TECRL: variants seen among roughly 807,000 people sequenced by gnomAD.
TECRL encodes trans-2,3-enoyl-CoA reductase like, also known as trans-2,3-enoyl-CoA reductase-like.
Under a neutral mutation model 52.8 loss-of-function variants are expected in TECRL, and 63 were observed. That is an observed-to-expected ratio of 1.19 (90% CI 0.97 to 1.47). TECRL has a LOEUF of 1.47. Among genes scored for constraint, TECRL ranks in the 40% most tolerant of loss-of-function variants. TECRL has a pLI of 0.00. For missense variants in TECRL, 482 were observed against 429.6 expected (o/e 1.12, Z -1.08); for synonymous variants, 164 against 141.9 (o/e 1.16, Z -1.10).
chr4:64,307,495 A>T (rs1724408960), intron 6 of TECRL, among the ~76,000 whole-genome samples: 1 of 152,060 alleles, frequency 6.6e-6, no homozygotes, highest in African/African-American at 2.4e-5. Context: ...GAGAAAGGAG[A>T]TGCTTTTTCT....
At chr4:64,357,813 A>G (rs1422279128) in intron 2 of TECRL, among the ~76,000 whole-genome samples, 2 of 151,704 alleles carry the variant, frequency 1.3e-5, no homozygotes, top group East Asian at 3.9e-4. Context: ...TCGATGTTTG[A>G]AATTCATTTT....
chr4:64,313,196 G>A (rs1717186632), intron 5 of TECRL, among the ~76,000 whole-genome samples: 1 of 152,036 alleles, frequency 6.6e-6, no homozygotes, highest in Non-Finnish European at 1.5e-5. Context: ...AGAAAGTTAG[G>A]ATGAAATTAG....
chr4:64,348,087 G>A (rs75556004), intron 2 of TECRL, among the ~76,000 whole-genome samples: 49 of 152,130 alleles, frequency 3.2e-4, no homozygotes, highest in African/African-American at 1.0e-3. Context: ...CCAATTTACC[G>A]TAGTAGTCTG....
intron 1 of TECRL, among the ~76,000 whole-genome samples, chr4:64,377,273 A>C (rs911118755): frequency 1.3e-5 from 2 of 152,030 alleles, no homozygotes; most frequent in Non-Finnish European, 2.9e-5. Flanking sequence ...TGATTGAGAC[A>C]TATATTCAAT....
chr4:64,395,880 A>G, intron 1 of TECRL, among the ~76,000 whole-genome samples: 1 of 152,174 alleles, frequency 6.6e-6, no homozygotes, highest in South Asian at 2.1e-4. Context: ...ATGTGTCCAT[A>G]TGTAATCAAT....
intron 2 of TECRL, among the ~76,000 whole-genome samples, chr4:64,374,759 G>C (rs1577957541): frequency 6.6e-6 from 1 of 152,006 alleles, no homozygotes; most frequent in Non-Finnish European, 1.5e-5. Context: ...TTTTATGGCT[G>C]CATAGTATTC....
intron 3 of TECRL, among the ~76,000 whole-genome samples, chr4:64,324,256 A>C (rs1186463407): frequency 2.0e-5 from 3 of 152,112 alleles, no homozygotes; most frequent in African/African-American, 7.2e-5. Context: ...TATTTGAAAA[A>C]CACTTAAATG....
downstream of TECRL, chr4:64,277,117 G>T (rs1483712): frequency 0.79 from 888,408 of 1,131,424 alleles, 350,558 homozygotes; most frequent in Non-Finnish European, 0.8. Flanking sequence ...CTTTAACTAA[G>T]GTATGTCTGC....
chr4:64,277,438 T>A, downstream of TECRL, among the ~76,000 whole-genome samples: 1 of 151,912 alleles, frequency 6.6e-6, no homozygotes, highest in East Asian at 1.9e-4. Context: ...TATCATACAA[T>A]TTAGCTGAAT....
chr4:64,327,737 G>T (rs1407400697), intron 3 of TECRL, among the ~76,000 whole-genome samples: 1 of 151,864 alleles, frequency 6.6e-6, no homozygotes, highest in Admixed American at 6.6e-5. Context: ...GAGACTCAAA[G>T]AAATAATCAT....
chr4:64,367,415 T>C (rs1253068645), intron 2 of TECRL, among the ~76,000 whole-genome samples: 1 of 152,148 alleles, frequency 6.6e-6, no homozygotes, highest in Non-Finnish European at 1.5e-5. Flanking sequence ...ATAAAATTCT[T>C]ATAATTTTAA....
At chr4:64,305,366 C>A (rs1174651870) in intron 6 of TECRL, 128 bp from the exon 7 acceptor site, 33 of 693,684 alleles carry the variant, frequency 4.8e-5, no homozygotes, top group Non-Finnish European at 7.0e-5. Flanking sequence ...TTAGACACTG[C>A]AGCATTTATA....
intron 1 of TECRL, among the ~76,000 whole-genome samples, chr4:64,401,987 T>C (rs186663351): frequency 6.6e-6 from 1 of 152,284 alleles, no homozygotes; most frequent in East Asian, 1.9e-4. Flanking sequence ...ATTTATTCAC[T>C]TTTCATTGGT....
chr4:64,392,638 A>G (rs1723622951), intron 1 of TECRL, among the ~76,000 whole-genome samples: 1 of 151,918 alleles, frequency 6.6e-6, no homozygotes, highest in Admixed American at 6.6e-5. Context: ...TTTAAGACTT[A>G]AACTCTGCTT....
chr4:64,387,796 T>A (rs1477526949), intron 1 of TECRL, among the ~76,000 whole-genome samples: 2 of 152,046 alleles, frequency 1.3e-5, no homozygotes, highest in African/African-American at 4.8e-5. Context: ...TTTGTTTTAC[T>A]TTATCCTGGT....
intron 2 of TECRL, among the ~76,000 whole-genome samples, chr4:64,355,789 T>C (rs1228657323): frequency 1.1e-4 from 5 of 47,038 alleles, no homozygotes; most frequent in Non-Finnish European, 3.0e-4. Context: ...AGTGAGACTC[T>C]GTCTCAAAAA....
chr4:64,363,810 A>G (rs1553917766), intron 2 of TECRL, among the ~76,000 whole-genome samples: 1 of 152,182 alleles, frequency 6.6e-6, no homozygotes, highest in Non-Finnish European at 1.5e-5. Context: ...GAATGTTAGC[A>G]CAGGTATTTG....
chr4:64,378,296 T>A (rs72614758), intron 1 of TECRL, among the ~76,000 whole-genome samples: 34,015 of 151,868 alleles, frequency 0.22, 3,923 homozygotes, highest in Middle Eastern at 0.3. Flanking sequence ...CCAGACTTGG[T>A]GGCTCAGGCT....
At position 64,346,843 on chromosome 4, in the gene TECRL, C is replaced by CT. The variant is rs1342178416; in HGVS notation, c.287-18288dup. On this transcript the variant is annotated intron_variant, in intron 2 of 11. Coordinates refer to ENST00000381210, the MANE Select transcript of TECRL (RefSeq NM_001010874.5). ...CTCCTAGTCTCCTGGATATGAAGGA[C>CT]TTTTTTCATATGTTTGCTTTTAGGT... Among the ~76,000 whole-genome samples, 3 of 152,358 alleles carry CT rather than the reference C, an allele frequency of 2.0e-5. No homozygotes were observed. In the East Asian group the frequency reaches 5.8e-4, roughly 29 times the overall value.
Sources: gnomAD v4.1 joint callset for allele counts (sites outside exome capture counted in the v4.1 genomes callset) on GRCh38, gnomAD v4.1.1 for gene constraint, MANE v1.5 for transcripts, NCBI Gene and HGNC (gene_info 2026-07-23, HGNC 2026-07-21) for gene names.